Variants in WDR70 observed in about 807,000 individuals in gnomAD.
WDR70 encodes WD repeat domain 70.
WDR70 carries 53 observed loss-of-function variants against 88.6 expected under a neutral mutation model. The observed-to-expected ratio is 0.60, with a 90% CI of 0.48 to 0.75. The LOEUF is 0.75. Among genes scored for constraint, WDR70 ranks in the 30% least tolerant of loss-of-function variants. The pLI, the probability that WDR70 is intolerant of heterozygous loss-of-function variation, is 0.00. For missense variants in WDR70, 610 were observed against 823.2 expected (o/e 0.74, Z 3.17); for synonymous variants, 280 against 270.0 (o/e 1.04, Z -0.36).
intron 10 of WDR70, among the ~76,000 whole-genome samples, chr5:37,638,055 G>A (rs1745018605): frequency 6.6e-6 from 1 of 152,100 alleles, no homozygotes. Context: ...GATGTGCCAA[G>A]ACTTCTGTAT....
In WDR70 at chr5:37,521,497, G is replaced by A. The variant is rs190952659; in HGVS notation, c.917+4907G>A. Reference sequence around the variant, plus strand: ...CTTTTATCTCTCACCACTCGCCACCGTTTCCCCCAAGTCCCCAAAGTCCAA... The same window carrying A: ...CTTTTATCTCTCACCACTCGCCACCATTTCCCCCAAGTCCCCAAAGTCCAA... On this transcript the variant is annotated intron_variant, in intron 9 of 17. Coordinates refer to ENST00000265107, the MANE Select transcript of WDR70 (RefSeq NM_018034.4). Among the ~76,000 whole-genome samples the A allele has an allele frequency of 1.5e-3, 234 of 152,116 alleles. 2 individuals carry two copies. Among genetic ancestry groups the A allele is most frequent in the African/African-American group, 5.2e-3 (215 of 41,488 alleles).
intron 9 of WDR70, among the ~76,000 whole-genome samples, chr5:37,546,475 T>C (rs2112339322): frequency 6.6e-6 from 1 of 152,356 alleles, no homozygotes; most frequent in South Asian, 2.1e-4. Flanking sequence ...TGAACATAAA[T>C]GCTGAACAAT....
At position 37,726,987 on chromosome 5, in the gene WDR70, T is replaced by C; in HGVS notation, c.1819T>C (p.Leu607=). The stretch of plus-strand genomic sequence containing the variant: ...TGACAGTAATCCTCGGGAAGCCATT[T>C]TGCGTCATGCCAAAGCAGCAGAAGA... ...TDDSNPREAI[L]RHAKAAEDSP... Residue 607 remains leucine, a synonymous_variant, in exon 17 of 18, where the codon TTG becomes CTG. Transcript: ENST00000265107. 1 of 1,611,562 alleles carries C rather than the reference T, an allele frequency of 6.2e-7. No homozygotes were observed. The highest frequency in any genetic ancestry group is 8.5e-7 in the Non-Finnish European group (1 of 1,178,858).
At chr5:37,502,623 A>C (rs1561877952) in intron 8 of WDR70, among the ~76,000 whole-genome samples, 1 of 152,144 alleles carries the variant, frequency 6.6e-6, no homozygotes, top group Non-Finnish European at 1.5e-5. Context: ...CCACTCTTGC[A>C]TTGCCGAAAA....
intron 6 of WDR70, among the ~76,000 whole-genome samples, chr5:37,442,311 A>T (rs1240250630): frequency 6.7e-6 from 1 of 150,166 alleles, no homozygotes; most frequent in Non-Finnish European, 1.5e-5. Flanking sequence ...CGCTGGGATT[A>T]CAGGCATGAG....
intron 5 of WDR70, among the ~76,000 whole-genome samples, chr5:37,434,527 T>C (rs992893921): frequency 1.3e-5 from 2 of 152,208 alleles, no homozygotes; most frequent in Admixed American, 1.3e-4. Context: ...CCAGCAACTT[T>C]GTAGCAGATC....
chr5:37,673,487 A>G (rs1746089994), intron 10 of WDR70, among the ~76,000 whole-genome samples: 1 of 151,554 alleles, frequency 6.6e-6, no homozygotes, highest in Non-Finnish European at 1.5e-5. Context: ...ACTGCTTTCC[A>G]CAGTGGTTGA....
intron 5 of WDR70, among the ~76,000 whole-genome samples, chr5:37,402,131 C>G (rs536325466): frequency 2.8e-4 from 43 of 152,170 alleles, no homozygotes; most frequent in Admixed American, 2.0e-4. Context: ...ACTATTCTCT[C>G]CACTTTTATG....
chr5:37,409,666 G>A (rs1202294978), intron 5 of WDR70, among the ~76,000 whole-genome samples: 2 of 151,806 alleles, frequency 1.3e-5, no homozygotes, highest in African/African-American at 2.4e-5. Flanking sequence ...CAGGATGCCC[G>A]GCTAATTTTT....
chr5:37,580,136 C>T (rs917579474), intron 9 of WDR70, among the ~76,000 whole-genome samples: 1 of 152,116 alleles, frequency 6.6e-6, no homozygotes, highest in African/African-American at 2.4e-5. Flanking sequence ...ATAATTTTAT[C>T]TATTTAATGA....
chr5:37,615,456 C>T lies in WDR70; in HGVS notation c.1092+10218C>T, dbSNP rs645066. On this transcript the variant is annotated intron_variant, in intron 10 of 17. Coordinates refer to ENST00000265107, the MANE Select transcript of WDR70 (RefSeq NM_018034.4). ...ACATGTGACACAAGAATAATAGGACCATGTAATTTGGGATGTTGGTAAGAC... is the reference window on the plus strand; with the variant it reads ...ACATGTGACACAAGAATAATAGGACTATGTAATTTGGGATGTTGGTAAGAC... Among the ~76,000 whole-genome samples, 631 of 152,204 alleles carry T rather than the reference C, an allele frequency of 4.1e-3. 2 individuals carry two copies. Among genetic ancestry groups the T allele is most frequent in the African/African-American group, 0.015 (606 of 41,512 alleles).
At chr5:37,426,893 A>G (rs1261367366) in intron 5 of WDR70, among the ~76,000 whole-genome samples, 1 of 150,832 alleles carries the variant, frequency 6.6e-6, no homozygotes, top group Non-Finnish European at 1.5e-5. Context: ...ATCCCACCTC[A>G]GTCTCCCGAG....
chr5:37,611,730 G>GAACT (rs771373885), intron 10 of WDR70, among the ~76,000 whole-genome samples: 74 of 149,162 alleles, frequency 5.0e-4, no homozygotes, highest in South Asian at 3.0e-3. Flanking sequence ...GATGCGTGAA[G>GAACT]AACTCATGTT....
chr5:37,390,340 ATTTTTTTT>A (rs11392764), intron 3 of WDR70, among the ~76,000 whole-genome samples: 1 of 138,182 alleles, frequency 7.2e-6, no homozygotes, highest in African/African-American at 2.7e-5. Flanking sequence ...TATAATATAA[ATTTTTTTT>A]TTTTTTTTGG....
chr5:37,395,580 A>G (rs956232529), intron 4 of WDR70, among the ~76,000 whole-genome samples: 2 of 152,224 alleles, frequency 1.3e-5, no homozygotes, highest in Non-Finnish European at 2.9e-5. Context: ...ATTAGCCGTT[A>G]GAAATAACTT....
chr5:37,581,962 C>T (rs1743230015), intron 9 of WDR70, among the ~76,000 whole-genome samples: 2 of 152,016 alleles, frequency 1.3e-5, no homozygotes, highest in South Asian at 2.1e-4. Flanking sequence ...TCCTAGCTCT[C>T]ATAGTGCTTC....
At chr5:37,617,536 C>T (rs1744379597) in intron 10 of WDR70, among the ~76,000 whole-genome samples, 2 of 152,162 alleles carry the variant, frequency 1.3e-5, no homozygotes, top group Non-Finnish European at 2.9e-5. Context: ...TCTCTTGCCA[C>T]TGGAATATGG....
At chr5:37,659,369 AT>A (rs1218454689) in intron 10 of WDR70, among the ~76,000 whole-genome samples, 2 of 151,988 alleles carry the variant, frequency 1.3e-5, no homozygotes, top group Non-Finnish European at 2.9e-5. Context: ...TGAAAATAGT[AT>A]TTTTAATTTC....
At chr5:37,563,661 C>G (rs1262763744) in intron 9 of WDR70, among the ~76,000 whole-genome samples, 34 of 880 alleles carry the variant, frequency 0.039, 3 homozygotes, top group African/African-American at 0.1. Flanking sequence ...GGGGCTGACC[C>G]CCCCCCACCT....
Sources: gnomAD v4.1 joint callset for allele counts (sites outside exome capture counted in the v4.1 genomes callset) on GRCh38, gnomAD v4.1.1 for gene constraint, MANE v1.5 for transcripts, NCBI Gene and HGNC (gene_info 2026-07-23, HGNC 2026-07-21) for gene names.